PRELID2: variants seen among roughly 807,000 people sequenced by gnomAD.
The protein encoded by PRELID2 is PRELI domain-containing protein 2.
PRELID2 carries 25 observed loss-of-function variants against 28.4 expected under a neutral mutation model. That is an observed-to-expected ratio of 0.88 (90% CI 0.64 to 1.23). The LOEUF (loss-of-function observed/expected upper bound fraction) is 1.23. Among genes scored for constraint, PRELID2 ranks in the 50% most tolerant of loss-of-function variants. The probability of loss-of-function intolerance (pLI) is 0.00; values close to 1 mark genes in which losing one functional copy is unlikely to be tolerated. For missense variants in PRELID2, 201 were observed against 214.4 expected, an observed-to-expected ratio of 0.94 and a Z score of 0.39; for synonymous variants, 76 against 71.6, an observed-to-expected ratio of 1.06 and a Z score of -0.31.
chr5:145,619,622 T>C (rs944662221), intron 1 of PRELID2, among the ~76,000 whole-genome samples: 2 of 152,280 alleles, frequency 1.3e-5, no homozygotes, highest in East Asian at 3.9e-4. Flanking sequence ...GTTTCCTGAT[T>C]TATTCCTGCG....
chr5:145,660,244 T>C (rs937639758), intron 1 of PRELID2, among the ~76,000 whole-genome samples: 2 of 152,208 alleles, frequency 1.3e-5, no homozygotes, highest in Non-Finnish European at 2.9e-5. Flanking sequence ...AGAGACATCC[T>C]GGGAAACATG....
chr5:145,477,340 C>A (rs748104358), intron 1 of PRELID2, among the ~76,000 whole-genome samples: 2 of 152,200 alleles, frequency 1.3e-5, no homozygotes, highest in Admixed American at 6.5e-5. Flanking sequence ...CTCATAGAGA[C>A]AAGATGGCGG....
chr5:145,568,722 A>G (rs1161080467), intron 1 of PRELID2, among the ~76,000 whole-genome samples: 1 of 152,216 alleles, frequency 6.6e-6, no homozygotes, highest in African/African-American at 2.4e-5. Flanking sequence ...AATCTTAGCT[A>G]CTTAGATTTC....
chr5:145,585,536 T>C (rs17103458), intron 1 of PRELID2, among the ~76,000 whole-genome samples: 10,670 of 152,244 alleles, frequency 0.07, 568 homozygotes, highest in Admixed American at 0.18. Flanking sequence ...ATCTATGTAA[T>C]GATAAAGAGC....
chr5:145,405,033 G>C, the PRELID2 span, among the ~76,000 whole-genome samples: 2 of 152,022 alleles, frequency 1.3e-5, no homozygotes, highest in Non-Finnish European at 2.9e-5. Flanking sequence ...TTCATTTAAA[G>C]AAAGTGTTTC....
chr5:145,620,510 G>A (rs940952341), intron 1 of PRELID2, among the ~76,000 whole-genome samples: 8 of 152,076 alleles, frequency 5.3e-5, no homozygotes, highest in African/African-American at 1.9e-4. Flanking sequence ...CTAGGTATAG[G>A]GGAAATCTTT....
chr5:145,772,220 G>T (rs1281340186), intron 5 of PRELID2, among the ~76,000 whole-genome samples: 3 of 151,764 alleles, frequency 2.0e-5, no homozygotes, highest in Non-Finnish European at 4.4e-5. Context: ...TGAGACCAAG[G>T]CTCAGAGAAA....
the PRELID2 span, among the ~76,000 whole-genome samples, chr5:145,457,168 A>G: frequency 6.6e-6 from 1 of 152,130 alleles, no homozygotes; most frequent in Admixed American, 6.6e-5. Flanking sequence ...ACAGTGTAAT[A>G]AAAAGAGCAT....
intron 2 of PRELID2, among the ~76,000 whole-genome samples, chr5:145,472,590 C>T (rs1752064471): frequency 6.6e-6 from 1 of 152,142 alleles, no homozygotes; most frequent in Non-Finnish European, 1.5e-5. Context: ...GAATAGCCCC[C>T]AGCCCTTTAT....
intron 1 of PRELID2, among the ~76,000 whole-genome samples, chr5:145,499,191 T>C (rs1752336737): frequency 6.6e-6 from 1 of 152,054 alleles, no homozygotes; most frequent in Admixed American, 6.6e-5. Flanking sequence ...GAGGATGCAG[T>C]GACCTATGAT....
At chr5:145,631,892 C>T (rs1753938184) in intron 1 of PRELID2, among the ~76,000 whole-genome samples, 1 of 152,062 alleles carries the variant, frequency 6.6e-6, no homozygotes, top group South Asian at 2.1e-4. Context: ...AGAAACAGAA[C>T]ATAAAAAACT....
At chr5:145,821,300 T>C (rs1218830094) in intron 2 of PRELID2, among the ~76,000 whole-genome samples, 1 of 147,918 alleles carries the variant, frequency 6.8e-6, no homozygotes, top group Non-Finnish European at 1.5e-5. Context: ...AGCTCTCTTC[T>C]GTGTGTGTGT....
chr5:145,499,410 T>C (rs978068491), intron 1 of PRELID2, among the ~76,000 whole-genome samples: 3 of 152,220 alleles, frequency 2.0e-5, no homozygotes, highest in Non-Finnish European at 4.4e-5. Context: ...AAGTTCTCAA[T>C]TTTTTGATGA....
At chr5:145,429,776 G>C in the PRELID2 span, 2 of 152,150 alleles carry the variant, frequency 1.3e-5, no homozygotes, top group African/African-American at 4.8e-5. Context: ...GACTTGCTTT[G>C]ACCAATAGAA....
At chr5:145,408,167 G>A in the PRELID2 span, among the ~76,000 whole-genome samples, 1 of 152,016 alleles carries the variant, frequency 6.6e-6, no homozygotes, top group Non-Finnish European at 1.5e-5. Context: ...TTGAGGTTTA[G>A]ATCTTTCCAC....
chr5:145,661,764 T>C (rs990780239), intron 1 of PRELID2, among the ~76,000 whole-genome samples: 1 of 151,158 alleles, frequency 6.6e-6, no homozygotes, highest in Non-Finnish European at 1.5e-5. Context: ...CTAAACAGCA[T>C]GTAGTCAACA....
the PRELID2 span, among the ~76,000 whole-genome samples, chr5:145,447,036 C>G: frequency 3.7e-3 from 389 of 105,092 alleles, 1 homozygote; most frequent in African/African-American, 0.015. Context: ...GCAACAAGAG[C>G]GAAACTCCAT....
chr5:145,257,752 T>C, the PRELID2 span, among the ~76,000 whole-genome samples: 1 of 152,200 alleles, frequency 6.6e-6, no homozygotes, highest in South Asian at 2.1e-4. Flanking sequence ...GGGCATTTCA[T>C]AACGATAAAT....
intron 1 of PRELID2, among the ~76,000 whole-genome samples, chr5:145,578,744 T>C (rs1294796798): frequency 6.6e-6 from 1 of 152,118 alleles, no homozygotes; most frequent in East Asian, 1.9e-4. Flanking sequence ...TAGTGGTACC[T>C]ATTTATTTGT....
Sources: gnomAD v4.1 joint callset for allele counts (sites outside exome capture counted in the v4.1 genomes callset) on GRCh38, gnomAD v4.1.1 for gene constraint, MANE v1.5 for transcripts, NCBI Gene and HGNC (gene_info 2026-07-23, HGNC 2026-07-21) for gene names.